The following PARD3B variants were observed in gnomAD, a reference collection of about 807,000 sequenced individuals.
PARD3B encodes partitioning defective 3 homolog B.
A neutral mutation model predicts 130.2 loss-of-function variants in PARD3B; 103 were observed. That is an observed-to-expected ratio of 0.79 (90% CI 0.67 to 0.93). The LOEUF is 0.93. Ranked by LOEUF, PARD3B falls within the 40% of genes least tolerant of loss-of-function variation. PARD3B has a pLI of 0.00. For synonymous variants in PARD3B, 583 were observed against 553.2 expected (o/e 1.05, Z -0.76); for missense variants, 1,609 against 1,499.2 (o/e 1.07, Z -1.21).
intron 20 of PARD3B, among the ~76,000 whole-genome samples, chr2:205,485,487 C>A (rs944373745): frequency 2.6e-5 from 4 of 152,184 alleles, no homozygotes; most frequent in Non-Finnish European, 5.9e-5. Flanking sequence ...CACAAGAAAT[C>A]ATCAAATCTA....
intron 19 of PARD3B, among the ~76,000 whole-genome samples, chr2:205,410,654 T>C (rs1216865271): frequency 1.3e-5 from 2 of 152,190 alleles, no homozygotes; most frequent in Non-Finnish European, 2.9e-5. Context: ...AATATACTAG[T>C]AATCTTAATT....
At chr2:205,414,872 T>C (rs1295640954) in intron 19 of PARD3B, among the ~76,000 whole-genome samples, 1 of 152,030 alleles carries the variant, frequency 6.6e-6, no homozygotes, top group Non-Finnish European at 1.5e-5. Flanking sequence ...GATCAAATAA[T>C]GCACCTTTAA....
chr2:205,378,712 A>G lies in PARD3B; in HGVS notation c.2631-22301A>G, dbSNP rs201959744. On this transcript the variant is annotated intron_variant, in intron 18 of 22. Transcript: ENST00000406610. Reference sequence around the variant, plus strand: ...AATGGCACGATCTCAGCTCACTGCAACCTCCGCCTCCCAGGTTCAAGTGAT... The same window carrying G: ...AATGGCACGATCTCAGCTCACTGCAGCCTCCGCCTCCCAGGTTCAAGTGAT... Among the ~76,000 whole-genome samples the G allele has an allele frequency of 2.7e-5, 4 of 149,214 alleles. No individual in the cohort carries two copies. In the East Asian group the frequency reaches 7.9e-4, roughly 29 times the overall value.
At chr2:205,044,239 T>C (rs1298192599) in intron 3 of PARD3B, among the ~76,000 whole-genome samples, 1 of 149,874 alleles carries the variant, frequency 6.7e-6, no homozygotes, top group Non-Finnish European at 1.5e-5. Flanking sequence ...AAGTCTTTGC[T>C]ATTGTGAATA....
In PARD3B at chr2:204,677,848, T is replaced by C. The variant is rs1377262569; in HGVS notation, c.121-8333T>C. Among the ~76,000 whole-genome samples the C allele has an allele frequency of 1.3e-5, 2 of 152,336 alleles. 1 individual carries two copies. Among genetic ancestry groups the C allele is most frequent in the African/African-American group, 4.8e-5 (2 of 41,570 alleles). The stretch of plus-strand genomic sequence containing the variant: ...TGGCCTTCCCATCTTCTGGGACTTC[T>C]ACACTCCTTTTGTTTTAGGATTTGT... On this transcript the variant is annotated intron_variant, in intron 1 of 22. Coordinates refer to ENST00000406610, the MANE Select transcript of PARD3B (RefSeq NM_001302769.2). The surrounding 1 kb of genome is among the most constrained non-coding windows in gnomAD (Gnocchi z 4.1).
At chr2:204,665,027 A>C (rs1316436794) in intron 1 of PARD3B, among the ~76,000 whole-genome samples, 1 of 152,084 alleles carries the variant, frequency 6.6e-6, no homozygotes, top group Non-Finnish European at 1.5e-5. Flanking sequence ...CTGATTTAGG[A>C]ATGTTAAGAA....
intron 22 of PARD3B, among the ~76,000 whole-genome samples, chr2:205,586,960 A>G (rs530001098): frequency 7.2e-5 from 11 of 152,302 alleles, no homozygotes; most frequent in Non-Finnish European, 1.3e-4. Context: ...TTTTCGTAAC[A>G]ACCTGCACGG....
chr2:204,877,615 A>G (rs554344569), intron 2 of PARD3B, among the ~76,000 whole-genome samples: 1 of 152,258 alleles, frequency 6.6e-6, no homozygotes, highest in South Asian at 2.1e-4. Flanking sequence ...CTGTCCCTCT[A>G]CCAAAGAATT....
intron 2 of PARD3B, among the ~76,000 whole-genome samples, chr2:204,898,971 C>G (rs1358069937): frequency 6.6e-6 from 1 of 151,876 alleles, no homozygotes; most frequent in African/African-American, 2.4e-5. Flanking sequence ...TAGGCATGAA[C>G]TATCTTTTTC....
chr2:205,353,116 A>C (rs767083881), intron 18 of PARD3B, among the ~76,000 whole-genome samples: 8 of 152,180 alleles, frequency 5.3e-5, no homozygotes, highest in Non-Finnish European at 1.0e-4. Context: ...AGCCTGTGCC[A>C]CCACTTGGGA....
chr2:205,025,058 A>C lies in PARD3B; in HGVS notation c.395-22523A>C, dbSNP rs189849286. On this transcript the variant is annotated intron_variant, in intron 3 of 22. Transcript: ENST00000406610. ...AAATGCATTCAGTTTAACTAGCGGC[A>C]CTAAAAAGGGCTGCATCTTTGTATT... Among the ~76,000 whole-genome samples, 3 of 152,232 alleles carry C rather than the reference A, an allele frequency of 2.0e-5. No individual in the cohort carries two copies. In the East Asian group the frequency reaches 5.8e-4, roughly 29 times the overall value.
In PARD3B at chr2:205,183,773, T is replaced by TGTGTGA. The variant is rs1553634034; in HGVS notation, c.1925-1990_1925-1989insTGTGAG. ...GTGTGTGTGTGTGTGTGTGTGTGTG[T>TGTGTGA]GAACAGATTTATGATAAGGAATTGG... On this transcript the variant is annotated intron_variant, in intron 13 of 22. Transcript: ENST00000406610. This position sits in a 1 kb window ranked among gnomAD's most constrained non-coding sequence, Gnocchi z 5.2. Among the ~76,000 whole-genome samples the TGTGTGA allele has an allele frequency of 1.4e-5, 2 of 147,126 alleles. No individual in the cohort carries two copies. The highest frequency in any genetic ancestry group is 2.5e-5 in the African/African-American group (1 of 39,484).
chr2:204,674,262 G>A (rs181962040), intron 1 of PARD3B, among the ~76,000 whole-genome samples: 40 of 152,272 alleles, frequency 2.6e-4, no homozygotes, highest in Admixed American at 2.0e-3. Context: ...GGGAATCAGC[G>A]TTAGTTAGGT....
rs886866136 is a variant in PARD3B at position 205,550,747 on chromosome 2, A to G, written c.3181-2577A>G. On this transcript the variant is annotated intron_variant, in intron 21 of 22. Transcript: ENST00000406610. This position sits in a 1 kb window ranked among gnomAD's most constrained non-coding sequence, Gnocchi z 4.5. ...TTGGGTATATTTCATAGGTGTGTGT[A>G]TGTATACTATATATAAATACATATA... Among the ~76,000 whole-genome samples the G allele has an allele frequency of 4.0e-5, 6 of 151,434 alleles. No homozygotes were observed. The highest frequency in any genetic ancestry group is 7.4e-5 in the Non-Finnish European group (5 of 67,912).
intron 2 of PARD3B, among the ~76,000 whole-genome samples, chr2:204,832,228 A>C (rs1559180863): frequency 1.3e-5 from 2 of 152,166 alleles, no homozygotes. Context: ...TCTGTCTCAA[A>C]AAACAAACAA....
intron 2 of PARD3B, among the ~76,000 whole-genome samples, chr2:204,879,608 T>C (rs1429367595): frequency 6.6e-6 from 1 of 152,212 alleles, no homozygotes; most frequent in Non-Finnish European, 1.5e-5. Flanking sequence ...GTAAATTTTC[T>C]TGGGAACCAA....
chr2:204,978,348 A>T (rs1035191222), intron 3 of PARD3B, among the ~76,000 whole-genome samples: 1 of 152,234 alleles, frequency 6.6e-6, no homozygotes, highest in African/African-American at 2.4e-5. Flanking sequence ...GAGTATCTCT[A>T]TTGGAATATA....
intron 2 of PARD3B, among the ~76,000 whole-genome samples, chr2:204,950,709 C>G (rs1423056601): frequency 6.6e-6 from 1 of 152,202 alleles, no homozygotes; most frequent in Non-Finnish European, 1.5e-5. Flanking sequence ...CTTAAACTGT[C>G]TTCTAAGGTA....
At position 205,401,723 on chromosome 2, in the gene PARD3B, C is replaced by A. The variant is rs114369302; in HGVS notation, c.2741+600C>A. 4.2e-3 allele frequency among the ~76,000 whole-genome samples: 632 copies of A among 152,256 alleles called. 6 individuals carry two copies. Among genetic ancestry groups the A allele is most frequent in the African/African-American group, 0.015 (604 of 41,550 alleles). The stretch of plus-strand genomic sequence containing the variant: ...TTCCATTTGGACAAGAGGTCCTTCA[C>A]GTATCTTTGATGTTAACTCTGGCAC... On this transcript the variant is annotated intron_variant, in intron 19 of 22. Coordinates refer to ENST00000406610, the MANE Select transcript of PARD3B (RefSeq NM_001302769.2).
Sources: gnomAD v4.1 joint callset for allele counts (sites outside exome capture counted in the v4.1 genomes callset) on GRCh38, gnomAD v4.1.1 for gene constraint, Gnocchi (gnomAD v3.1) non-coding constraint, MANE v1.5 for transcripts, NCBI Gene and HGNC (gene_info 2026-07-23, HGNC 2026-07-21) for gene names.